MED12: variants seen among roughly 807,000 people sequenced by gnomAD.
MED12 encodes the protein mediator of RNA polymerase II transcription subunit 12.
MED12 carries 10 observed loss-of-function variants against 177.7 expected under a neutral mutation model. That is an observed-to-expected ratio of 0.06 (90% confidence interval 0.03 to 0.10). MED12 has a LOEUF of 0.10. Ranked by LOEUF, MED12 falls within the 10% of genes least tolerant of loss-of-function variation. MED12 has a pLI of 1.00. For synonymous variants in MED12, 641 were observed against 678.4 expected (o/e 0.94, Z 0.86); for missense variants, 867 against 1,780.8 (o/e 0.49, Z 9.23).
At chrX:71,124,500 T>C in intron 13 of MED12, 112 bp downstream of exon 13, 1 of 611,853 alleles carries the variant, frequency 1.6e-6, no homozygotes, top group Non-Finnish European at 2.6e-6. Context: ...AGTATTTTTC[T>C]TAGCACTTGG....
chrX:71,128,369 G>A lies in MED12; in HGVS notation c.3283G>A (p.Val1095Met). The change falls in exon 23 of 45, where the codon GTG (valine) becomes ATG (methionine). Residue 1095 changes from valine (V) to methionine (M), a missense_variant. Coordinates refer to ENST00000374080, the MANE Select transcript of MED12 (RefSeq NM_005120.3). ...CKSLSAEWLG[V>M]LKALCCSSNN... Reference sequence around the variant, plus strand: ...GTCACTGAGTGCAGAATGGCTAGGAGTGCTTAAGGCCTTGTGCTGCTCCTC... The same window carrying A: ...GTCACTGAGTGCAGAATGGCTAGGAATGCTTAAGGCCTTGTGCTGCTCCTC... The A allele has an allele frequency of 1.7e-6, 2 of 1,211,814 alleles. No homozygotes were observed. Among genetic ancestry groups the A allele is most frequent in the Non-Finnish European group, 2.2e-6 (2 of 895,542 alleles).
intron 29 of MED12, 92 bp downstream of exon 29, chrX:71,131,713 C>A: frequency 1.1e-6 from 1 of 906,616 alleles, no homozygotes; most frequent in Non-Finnish European, 1.6e-6. Context: ...TAGATCCTAC[C>A]CTTGGGCTCT....
Position 71,119,850 on chromosome X carries a change from C to T in MED12, c.369C>T (p.Thr123=), listed in dbSNP as rs769484204. The change falls in exon 3 of 45, where the codon ACC becomes ACT. Residue 123 remains threonine, a synonymous_variant. Transcript: ENST00000374080. The stretch of plus-strand genomic sequence containing the variant: ...CTTGGTTCACTGACTTGGCTGGCAC[C>T]AAGCCACTCACGCAACTAGCCAAAA... ...INTWFTDLAG[T]KPLTQLAKKV... 5.0e-6 allele frequency: 6 copies of T among 1,210,724 alleles called. No individual in the cohort carries two copies. Among genetic ancestry groups the T allele is most frequent in the Non-Finnish European group, 3.4e-6 (3 of 895,137 alleles).
intron 7 of MED12, 40 bp downstream of exon 7, chrX:71,121,856 C>A (rs761083268): frequency 6.6e-6 from 8 of 1,210,271 alleles, no homozygotes; most frequent in Non-Finnish European, 8.9e-6. Context: ...TGAGAGATAG[C>A]CTGAGAAGAA....
rs763554148 is a variant in MED12 at position 71,131,537 on chromosome X, G to A, written c.4048-13G>A. 2 of 1,209,515 alleles carry A rather than the reference G, an allele frequency of 1.7e-6. No homozygotes were observed. The highest frequency in any genetic ancestry group is 3.0e-5 in the East Asian group (1 of 33,823). ...CGATGATGACTAGCCTGGGTGTGGGGCCTCTATCACAGAACTTGGACCAGT... is the reference window on the plus strand; with the variant it reads ...CGATGATGACTAGCCTGGGTGTGGGACCTCTATCACAGAACTTGGACCAGT... On this transcript the variant is annotated splice_polypyrimidine_tract_variant and intron_variant, in intron 28 of 44. Coordinates refer to ENST00000374080, the MANE Select transcript of MED12 (RefSeq NM_005120.3).
Position 71,136,487 on chromosome X carries a change from G to A in MED12, c.5232G>A (p.Leu1744=), listed in dbSNP as rs2092332827. The change falls in exon 37 of 45, where the codon CTG becomes CTA. Residue 1744 remains leucine, a synonymous_variant. Transcript: ENST00000374080. ...PRAYYLEPLP[L]PPEDEEPPAP... is the part of the protein sequence containing the mutation. ...CCTATTACCTGGAGCCACTGCCACTGCCCCCAGAAGATGAGGAGCCGCCTG... is the reference window on the plus strand; with the variant it reads ...CCTATTACCTGGAGCCACTGCCACTACCCCCAGAAGATGAGGAGCCGCCTG... 1 of 1,205,043 alleles carries A rather than the reference G, an allele frequency of 8.3e-7. No homozygotes were observed. The highest frequency in any genetic ancestry group is 1.1e-6 in the Non-Finnish European group (1 of 893,145).
At chrX:71,138,845 C>T (rs1239284189) in intron 41 of MED12, among the ~76,000 whole-genome samples, 1 of 111,464 alleles carries the variant, frequency 9.0e-6, no homozygotes, top group Admixed American at 9.5e-5. Flanking sequence ...CCAGTACCGG[C>T]TTTGAATACC....
chrX:71,135,162 C>A lies in MED12; in HGVS notation c.4934C>A (p.Thr1645Asn). ...CAGCTGCTGCCACTGCCCAAGCAGACCCGAGATGTCATCACGTGTGAGCCA... is the reference window on the plus strand; with the variant it reads ...CAGCTGCTGCCACTGCCCAAGCAGAACCGAGATGTCATCACGTGTGAGCCA... Reference protein sequence around the residue: ...VRQLLPLPKQTRDVITCEPQG... With the variant: ...VRQLLPLPKQNRDVITCEPQG... The change falls in exon 36 of 45, where the codon ACC becomes AAC. Residue 1645 changes from threonine to asparagine, a missense_variant. Physicochemically the swap from Thr to Asn is moderately conservative, Grantham distance 65 (BLOSUM62 0). This residue lies in a region of MED12 where 36 missense variants were observed against 141.5 expected (regional missense o/e 0.25). Transcript: ENST00000374080. 8.3e-7 allele frequency: 1 copy of A among 1,211,507 alleles called. No homozygotes were observed. The highest frequency in any genetic ancestry group is 1.1e-6 in the Non-Finnish European group (1 of 895,358).
chrX:71,120,009 T>C lies in MED12; in HGVS notation c.397-5T>C. ...GAGACCTCACTATTTGCAATGTCCA[T>C]CCAGGTCCCCATTTTCAGTAAGAAG... On this transcript the variant is annotated splice_region_variant and splice_polypyrimidine_tract_variant and intron_variant, in intron 3 of 44. Coordinates refer to ENST00000374080, the MANE Select transcript of MED12 (RefSeq NM_005120.3). The C allele has an allele frequency of 8.3e-7, 1 of 1,211,707 alleles. No homozygotes were observed. Among genetic ancestry groups the C allele is most frequent in the Non-Finnish European group, 1.1e-6 (1 of 895,401 alleles).
chrX:71,119,264 C>T (rs1238059796), intron 1 of MED12, 109 bp from the exon 2 acceptor site: 1 of 563,391 alleles, frequency 1.8e-6, no homozygotes, highest in Non-Finnish European at 3.1e-6. Context: ...CTACACGGAA[C>T]CCTCCTCCTG....
chrX:71,142,333 T>C lies in MED12; in HGVS notation c.*115T>C. ...GTTGGGGCCCTCCCCTCAGGCTCCA[T>C]TTTTAATAAGTTTTTAGTATTTTTG... On this transcript the variant is annotated 3_prime_UTR_variant, in exon 45 of 45. Transcript: ENST00000374080. The C allele has an allele frequency of 1.3e-6, 1 of 756,690 alleles. No homozygotes were observed. Among genetic ancestry groups the C allele is most frequent in the Non-Finnish European group, 2.0e-6 (1 of 498,045 alleles). 62.4% of individuals were successfully genotyped at this position (756,690 alleles called of 1,213,427 possible).
rs1322748106 is a variant in MED12 at position 71,136,630 on chromosome X, G to A, written c.5375G>A (p.Arg1792His). The change falls in exon 37 of 45, where the codon CGC becomes CAC. Residue 1792 changes from arginine (R) to histidine (H), a missense_variant. Physicochemically the swap from Arg to His is conservative, Grantham distance 29 (BLOSUM62 0). Transcript: ENST00000374080. The stretch of plus-strand genomic sequence containing the variant: ...AAGAAGTCCACCAAGGGCAAGAAAC[G>A]CAGCCAGCCAGCTACCAAGACAGAG... ...RKKKSTKGKK[R>H]SQPATKTEDY... 8.3e-7 allele frequency: 1 copy of A among 1,208,419 alleles called. No homozygotes were observed. The highest frequency in any genetic ancestry group is 1.1e-6 in the Non-Finnish European group (1 of 894,719).
In MED12 at chrX:71,133,229, G is replaced by A; in HGVS notation, c.4617+17G>A. 1 of 1,108,880 alleles carries A rather than the reference G, an allele frequency of 9.0e-7. No homozygotes were observed. Among genetic ancestry groups the A allele is most frequent in the Non-Finnish European group, 1.2e-6 (1 of 801,951 alleles). 91.4% of individuals were successfully genotyped at this position (1,108,880 alleles called of 1,213,427 possible). A position where few individuals can be genotyped will look rare whatever the true frequency, so the allele number is the denominator to read the frequency against. The stretch of plus-strand genomic sequence containing the variant: ...CTCAACCTGGTGAGAAGGCCAGCTG[G>A]GGAGAAGAAGGAAGAGGGTAGGGCT... On this transcript the variant is annotated intron_variant, in intron 33 of 44. Transcript: ENST00000374080.
rs2092300992 is a variant in MED12, at chrX:71,125,645, C to T, written c.2372-18C>T. On this transcript the variant is annotated intron_variant, in intron 16 of 44. Transcript: ENST00000374080. ...CTAGTCCTTTTGAAACTTCCCCCCT[C>T]ATTCCCCCCCTCTACAGACCAGCTT... The T allele has an allele frequency of 1.5e-6, 1 of 679,967 alleles. No individual in the cohort carries two copies. Among genetic ancestry groups the T allele is most frequent in the Non-Finnish European group, 2.2e-6 (1 of 462,580 alleles). The allele number at this position is 679,967 out of a possible 1,213,427, so 56.0% of individuals were successfully genotyped here.
chrX:71,140,507 G>A, intron 41 of MED12, 128 bp from the exon 42 acceptor site: 2 of 1,136,765 alleles, frequency 1.8e-6, no homozygotes, highest in Non-Finnish European at 2.4e-6. Flanking sequence ...TGGAAGTCTG[G>A]TTAGTGACAC....
At chrX:71,131,769 G>A (rs779242288) in intron 29 of MED12, 148 bp downstream of exon 29, 5 of 609,024 alleles carry the variant, frequency 8.2e-6, no homozygotes, top group East Asian at 7.1e-5. Flanking sequence ...AACAAGTGGA[G>A]CTGATGATAA....
chrX:71,131,045 T>C (rs2092315657), intron 28 of MED12, among the ~76,000 whole-genome samples: 2 of 111,717 alleles, frequency 1.8e-5, no homozygotes, highest in Non-Finnish European at 3.8e-5. Context: ...TACGAAGGGA[T>C]GGGAAAGATG....
chrX:71,129,605 T>C, intron 26 of MED12, 75 bp from the exon 27 acceptor site: 1 of 1,135,382 alleles, frequency 8.8e-7, no homozygotes, highest in African/African-American at 1.8e-5. Flanking sequence ...TTTCTACCTC[T>C]GTGGGCCCAG....
Position 71,132,767 on chromosome X carries a change from CCTCTTCTCTTCTCTTCTCTTCTCTT to C in MED12, c.4416-40_4416-16del, listed in dbSNP as rs56658066. 0.054 allele frequency: 35,280 copies of C among 653,221 alleles called. 1,214 individuals are homozygous for C. The highest frequency in any genetic ancestry group is 0.16 in the South Asian group (5,933 of 36,131). 53.8% of individuals were successfully genotyped at this position (653,221 alleles called of 1,213,427 possible). A position where few individuals can be genotyped will look rare whatever the true frequency, so the allele number is the denominator to read the frequency against. On this transcript the variant is annotated intron_variant, in intron 31 of 44. Coordinates refer to ENST00000374080, the MANE Select transcript of MED12 (RefSeq NM_005120.3). ...TCCCTTTTCTCCTCTCCTCTTCTCT[CCTCTTCTCTTCTCTTCTCTTCTCTT>C]CTCTTCTCTTCTCTTCTCTTCTCTT...
Sources: gnomAD v4.1 joint callset for allele counts (sites outside exome capture counted in the v4.1 genomes callset) on GRCh38, gnomAD v4.1.1 for gene constraint, gnomAD v4.1.1 regional missense constraint, MANE v1.5 for transcripts, NCBI Gene and HGNC (gene_info 2026-07-23, HGNC 2026-07-21) for gene names.